The following HCN1 variants were observed in gnomAD, a reference collection of about 807,000 sequenced individuals.
The protein encoded by HCN1 is potassium/sodium hyperpolarization-activated cyclic nucleotide-gated channel 1.
HCN1 carries 13 observed loss-of-function variants against 78.9 expected under a neutral mutation model. The observed-to-expected ratio is 0.16, with a 90% CI of 0.11 to 0.26. The LOEUF (loss-of-function observed/expected upper bound fraction) is 0.26. HCN1 is among the 10% of genes least tolerant of loss of function. The pLI, the probability that HCN1 is intolerant of heterozygous loss-of-function variation, is 1.00. For missense variants in HCN1, 810 were observed against 1,154.3 expected, an observed-to-expected ratio of 0.70 and a Z score of 4.32; for synonymous variants, 552 against 455.5, an observed-to-expected ratio of 1.21 and a Z score of -2.70.
intron 4 of HCN1, among the ~76,000 whole-genome samples, chr5:45,369,078 C>T (rs1747296130): frequency 6.6e-6 from 1 of 151,248 alleles, no homozygotes; most frequent in Non-Finnish European, 1.5e-5. Flanking sequence ...AATGGAATAA[C>T]ATTTATTCTT....
At chr5:45,390,312 A>T (rs1158694773) in intron 4 of HCN1, among the ~76,000 whole-genome samples, 1 of 152,192 alleles carries the variant, frequency 6.6e-6, no homozygotes, top group Non-Finnish European at 1.5e-5. Flanking sequence ...AAAGTGCTTC[A>T]CAGTTTGTTT....
At chr5:45,427,209 C>T (rs1407069196) in intron 3 of HCN1, among the ~76,000 whole-genome samples, 1 of 151,800 alleles carries the variant, frequency 6.6e-6, no homozygotes, top group East Asian at 1.9e-4. Flanking sequence ...TTACAAGCTG[C>T]TTGTTTCTAA....
At chr5:45,372,913 A>T (rs965624369) in intron 4 of HCN1, among the ~76,000 whole-genome samples, 2 of 142,932 alleles carry the variant, frequency 1.4e-5, no homozygotes, top group Non-Finnish European at 3.0e-5. Context: ...TCTATACATA[A>T]AAATATACAC....
intron 4 of HCN1, among the ~76,000 whole-genome samples, chr5:45,388,469 T>C (rs1203959542): frequency 6.6e-6 from 1 of 152,094 alleles, no homozygotes; most frequent in Non-Finnish European, 1.5e-5. Context: ...ACAAGAACAA[T>C]ACCCTAGGGT....
chr5:45,472,366 T>C (rs950869373), intron 2 of HCN1, among the ~76,000 whole-genome samples: 1 of 151,886 alleles, frequency 6.6e-6, no homozygotes, highest in Non-Finnish European at 1.5e-5. Flanking sequence ...GTTTAATGCA[T>C]TGCTATAATT....
In HCN1 at chr5:45,568,258, T is replaced by C. The variant is rs1743749132; in HGVS notation, c.849+76927A>G. 2.0e-5 allele frequency among the ~76,000 whole-genome samples: 3 copies of C among 152,138 alleles called. No individual in the cohort carries two copies. The South Asian group carries it at 6.2e-4, about 31-fold the overall frequency. ...TAGCTCAAAGTTTTATCCTTAAAAA[T>C]ATTTAATAATTTGTAGACTCTCTAC... On this transcript the variant is annotated intron_variant, in intron 2 of 7. Transcript: ENST00000303230.
Position 45,296,065 on chromosome 5 carries a change from A to C in HCN1, c.1618+7534T>G, listed in dbSNP as rs1745486494. Among the ~76,000 whole-genome samples the C allele has an allele frequency of 2.6e-5, 4 of 152,170 alleles. No homozygotes were observed. In the South Asian group the frequency reaches 8.3e-4, roughly 32 times the overall value. On this transcript the variant is annotated intron_variant, in intron 6 of 7. Transcript: ENST00000303230. ...GCTTCTGGTACCCTTGAGGTCCACC[A>C]GTAGCCACCCCATGTCATCATAGTG...
intron 4 of HCN1, among the ~76,000 whole-genome samples, chr5:45,365,336 A>G (rs1452771221): frequency 1.3e-5 from 2 of 151,854 alleles, no homozygotes. Context: ...TTCAACCCTC[A>G]CCCACCTCCC....
intron 6 of HCN1, among the ~76,000 whole-genome samples, chr5:45,299,997 T>C (rs1031291297): frequency 2.0e-5 from 3 of 151,998 alleles, no homozygotes; most frequent in African/African-American, 7.2e-5. Flanking sequence ...GGATATTCAG[T>C]GATGTGATTC....
intron 2 of HCN1, among the ~76,000 whole-genome samples, chr5:45,639,205 C>A (rs1306547211): frequency 2.0e-5 from 3 of 151,914 alleles, no homozygotes; most frequent in African/African-American, 7.2e-5. Flanking sequence ...AACAGTCCGG[C>A]ATTTTAAAAG....
intron 1 of HCN1, among the ~76,000 whole-genome samples, chr5:45,686,580 C>G (rs559571632): frequency 3.0e-4 from 46 of 152,186 alleles, no homozygotes; most frequent in African/African-American, 1.1e-3. Context: ...ACTGTTGAAC[C>G]AAGCAAGGAA....
chr5:45,323,612 C>G (rs879350950), intron 5 of HCN1, among the ~76,000 whole-genome samples: 1 of 151,828 alleles, frequency 6.6e-6, no homozygotes, highest in African/African-American at 2.4e-5. Flanking sequence ...ATATGCACAA[C>G]GTGCAGGTTT....
chr5:45,452,414 T>A (rs1364974904), intron 3 of HCN1, among the ~76,000 whole-genome samples: 1 of 150,204 alleles, frequency 6.7e-6, no homozygotes, highest in East Asian at 1.9e-4. Flanking sequence ...ATATAGAGAT[T>A]TTTTTTTTGT....
At chr5:45,435,168 TATC>T (rs1385546302) in intron 3 of HCN1, among the ~76,000 whole-genome samples, 4 of 152,078 alleles carry the variant, frequency 2.6e-5, no homozygotes, top group Admixed American at 6.6e-5. Context: ...TTTATATACT[TATC>T]ATCAAATCAC....
intron 3 of HCN1, among the ~76,000 whole-genome samples, chr5:45,443,055 A>C (rs139455959): frequency 4.5e-4 from 69 of 152,150 alleles, no homozygotes; most frequent in Middle Eastern, 3.4e-3. Context: ...ACATAGTTAC[A>C]GGGGAATTTT....
intron 1 of HCN1, among the ~76,000 whole-genome samples, chr5:45,655,339 T>C (rs1041744049): frequency 6.6e-6 from 1 of 152,060 alleles, no homozygotes; most frequent in Non-Finnish European, 1.5e-5. Context: ...CACAACCTTG[T>C]CTAAGTTTGA....
At chr5:45,347,538 A>G (rs1746773686) in intron 5 of HCN1, among the ~76,000 whole-genome samples, 1 of 152,230 alleles carries the variant, frequency 6.6e-6, no homozygotes, top group Admixed American at 6.5e-5. Flanking sequence ...GAGTTGAGAG[A>G]AGAAGGCTTC....
At position 45,303,779 on chromosome 5, in the gene HCN1, C is replaced by A. The variant is rs771234977; in HGVS notation, c.1438G>T (p.Asp480Tyr). 6.2e-7 allele frequency: 1 copy of A among 1,613,638 alleles called. No individual in the cohort carries two copies. Among genetic ancestry groups the A allele is most frequent in the Non-Finnish European group, 8.5e-7 (1 of 1,179,748 alleles). ...VATMPLFANADPNFVTAMLSK... is the reference protein window; with the variant it reads ...VATMPLFANAYPNFVTAMLSK... ...AGCATGGCAGTCACAAAATTAGGAT[C>A]CGCATTAGCAAATAAAGGCATTGTA... is the stretch of plus-strand genomic sequence containing the variant. Residue 480 changes from aspartate to tyrosine, a missense_variant, in exon 6 of 8, where the codon GAT (aspartate) becomes TAT (tyrosine). Around this residue, in one of 6 missense-constraint regions of HCN1, gnomAD observed 100 missense variants for 126.8 expected, o/e 0.79. Transcript: ENST00000303230.
intron 2 of HCN1, among the ~76,000 whole-genome samples, chr5:45,553,221 A>G (rs1027371278): frequency 6.6e-6 from 1 of 151,868 alleles, no homozygotes; most frequent in Non-Finnish European, 1.5e-5. Flanking sequence ...ATCCAGACAG[A>G]TGTTGTCACA....
Sources: gnomAD v4.1 joint callset for allele counts (sites outside exome capture counted in the v4.1 genomes callset) on GRCh38, gnomAD v4.1.1 for gene constraint, gnomAD v4.1.1 regional missense constraint, MANE v1.5 for transcripts, NCBI Gene and HGNC (gene_info 2026-07-23, HGNC 2026-07-21) for gene names.